GRIP1: variants seen among roughly 807,000 people sequenced by gnomAD.
The protein encoded by GRIP1 is glutamate receptor-interacting protein 1.
GRIP1 carries 45 observed loss-of-function variants against 129.9 expected under a neutral mutation model. That is an observed-to-expected ratio of 0.35 (90% confidence interval 0.27 to 0.44). GRIP1 has a LOEUF of 0.44. GRIP1 is among the 20% of genes least tolerant of loss of function. The probability of loss-of-function intolerance (pLI) is 1.00; values close to 1 mark genes in which losing one functional copy is unlikely to be tolerated. For synonymous variants in GRIP1, 530 were observed against 520.8 expected (o/e 1.02, Z -0.24); for missense variants, 1,196 against 1,396.8 (o/e 0.86, Z 2.29).
intron 11 of GRIP1, among the ~76,000 whole-genome samples, chr12:66,452,530 G>A (rs529750657): frequency 5.1e-4 from 77 of 151,784 alleles, no homozygotes; most frequent in Middle Eastern, 6.8e-3. Flanking sequence ...TTTTTTTCTG[G>A]GCATCTCCTT....
upstream of GRIP1, among the ~76,000 whole-genome samples, chr12:66,680,514 T>G (rs2034543072): frequency 1.3e-5 from 2 of 152,240 alleles, no homozygotes; most frequent in African/African-American, 4.8e-5. Context: ...TTAAATGGAC[T>G]GCAGTGCAAA....
intron 2 of GRIP1, among the ~76,000 whole-genome samples, chr12:66,593,017 T>C (rs1220342857): frequency 1.3e-5 from 2 of 152,184 alleles, no homozygotes; most frequent in East Asian, 3.8e-4. Flanking sequence ...AAATATTAAG[T>C]CTCTAATACA....
At chr12:66,550,745 C>T (rs1493491) in intron 2 of GRIP1, among the ~76,000 whole-genome samples, 38,021 of 152,070 alleles carry the variant, frequency 0.25, 4,897 homozygotes, top group Admixed American at 0.28. Flanking sequence ...CTATCAGTCA[C>T]GTATTCCTAC....
intron 1 of GRIP1, among the ~76,000 whole-genome samples, chr12:66,854,368 GAC>G (rs143878130): frequency 0.16 from 23,556 of 151,858 alleles, 1,992 homozygotes; most frequent in East Asian, 0.37. Context: ...CCAGCTCACA[GAC>G]AGCCTTGTAC....
At chr12:66,796,607 T>C (rs766782249) in intron 1 of GRIP1, among the ~76,000 whole-genome samples, 2 of 152,136 alleles carry the variant, frequency 1.3e-5, no homozygotes, top group Non-Finnish European at 2.9e-5. Flanking sequence ...TACTTGCCAC[T>C]AGTTTTTCTG....
At chr12:66,977,875 C>T (rs971856159) in intron 1 of GRIP1, among the ~76,000 whole-genome samples, 4 of 129,126 alleles carry the variant, frequency 3.1e-5, no homozygotes, top group Non-Finnish European at 4.7e-5. Context: ...TACAGTGGCA[C>T]AATCATACCT....
In GRIP1 at chr12:66,821,325, A is replaced by C. The variant is rs185116371; in HGVS notation, c.59-224398T>G. ...CCATTAATGAGTGCTATGAAAATGG[A>C]GCTAAATATTTTGTATCACAGCAAA... is the stretch of plus-strand genomic sequence containing the variant. On this transcript the variant is annotated intron_variant, in intron 1 of 1. Transcript: ENST00000643019. 1.1e-3 allele frequency among the ~76,000 whole-genome samples: 169 copies of C among 152,246 alleles called. 2 individuals are homozygous for C. The Middle Eastern group carries it at 0.014, about 12-fold the overall frequency.
intron 1 of GRIP1, among the ~76,000 whole-genome samples, chr12:66,605,464 GCAGCAAAAT>G (rs747834700): frequency 4.3e-4 from 65 of 152,246 alleles, no homozygotes; most frequent in Middle Eastern, 3.4e-3. Context: ...AAAACAAGCA[GCAGCAAAAT>G]GCAATCAGGA....
intron 16 of GRIP1, among the ~76,000 whole-genome samples, chr12:66,401,908 C>T (rs916553980): frequency 6.6e-5 from 10 of 152,150 alleles, no homozygotes; most frequent in African/African-American, 2.4e-4. Flanking sequence ...TTAATGGTCA[C>T]TAACCAAGTC....
chr12:66,614,258 C>A (rs1466586747), intron 1 of GRIP1, among the ~76,000 whole-genome samples: 13 of 152,124 alleles, frequency 8.5e-5, no homozygotes, highest in Non-Finnish European at 2.9e-5. Context: ...CCCCACTGAA[C>A]TCCAGACTCA....
chr12:66,606,792 C>T (rs2064551114), intron 1 of GRIP1, among the ~76,000 whole-genome samples: 2 of 152,246 alleles, frequency 1.3e-5, no homozygotes, highest in Middle Eastern at 3.4e-3. Context: ...ACCTCACATA[C>T]ATTATCAGTA....
chr12:66,816,140 T>C (rs1255147864), intron 1 of GRIP1, among the ~76,000 whole-genome samples: 4 of 150,308 alleles, frequency 2.7e-5, no homozygotes, highest in African/African-American at 9.8e-5. Context: ...TGTCTTTTGG[T>C]CACACCTTAC....
chr12:66,525,676 G>C (rs2061206293), intron 5 of GRIP1, among the ~76,000 whole-genome samples: 1 of 151,816 alleles, frequency 6.6e-6, no homozygotes, highest in Admixed American at 6.6e-5. Flanking sequence ...GGAAGTTCTG[G>C]CCAGGGCAAT....
intron 1 of GRIP1, among the ~76,000 whole-genome samples, chr12:66,991,729 G>A (rs1253146698): frequency 6.6e-6 from 1 of 152,154 alleles, no homozygotes; most frequent in African/African-American, 2.4e-5. Flanking sequence ...TAAAAGCAGT[G>A]TAAAAAAATT....
At chr12:66,603,093 C>T (rs1266053259) in intron 1 of GRIP1, among the ~76,000 whole-genome samples, 2 of 151,348 alleles carry the variant, frequency 1.3e-5, no homozygotes, top group African/African-American at 4.8e-5. Context: ...AACTCCTGGC[C>T]TCAAGTGATC....
rs12305654 is a variant in GRIP1, at chr12:67,030,847, G to A, written c.58+38203C>T. 6.3e-3 allele frequency among the ~76,000 whole-genome samples: 960 copies of A among 152,078 alleles called. 9 individuals are homozygous for A. The highest frequency in any genetic ancestry group is 0.022 in the African/African-American group (899 of 41,532). On this transcript the variant is annotated intron_variant, in intron 1 of 1. Transcript: ENST00000643019. ...CTTAGATTCTCAGAGGTTTGAAGGA[G>A]AAGAAATATGGACAGCAACAAAGTT... is the stretch of plus-strand genomic sequence containing the variant.
intron 23 of GRIP1, among the ~76,000 whole-genome samples, chr12:66,359,761 TA>T (rs1176616136): frequency 1.3e-5 from 2 of 152,078 alleles, no homozygotes; most frequent in African/African-American, 4.8e-5. Flanking sequence ...AAAATTATTT[TA>T]AAACTACATA....
At chr12:66,839,488 T>A (rs1322522597) in intron 1 of GRIP1, among the ~76,000 whole-genome samples, 1 of 152,192 alleles carries the variant, frequency 6.6e-6, no homozygotes, top group African/African-American at 2.4e-5. Context: ...CACACACTAA[T>A]GCCTCAGTCT....
Position 66,446,097 on chromosome 12 carries a change from G to GC in GRIP1, c.1355-590dup, listed in dbSNP as rs1289693883. On this transcript the variant is annotated intron_variant, in intron 11 of 24. Transcript: ENST00000359742. ...TTAAACTCTGTACATTCCTCCTGCC[G>GC]CCCCCCACCACCACCCCAGAGTTTG... Among the ~76,000 whole-genome samples, 26 of 139,308 alleles carry GC rather than the reference G, an allele frequency of 1.9e-4. 1 individual carries two copies. The highest frequency in any genetic ancestry group is 3.3e-4 in the Non-Finnish European group (22 of 65,784). 91.4% of individuals were successfully genotyped at this position (139,308 alleles called of 152,430 possible). A position where few individuals can be genotyped will look rare whatever the true frequency, so the allele number is the denominator to read the frequency against.
Sources: allele counts gnomAD v4.1 joint callset (sites outside exome capture counted in the v4.1 genomes callset), GRCh38; gene constraint gnomAD v4.1.1; transcripts MANE v1.5; gene names NCBI Gene and HGNC (gene_info 2026-07-23, HGNC 2026-07-21).